Variants in ZNF383 observed in about 807,000 individuals in gnomAD.
The protein encoded by ZNF383 is zinc finger protein 383.
A neutral mutation model predicts 44.2 loss-of-function variants in ZNF383; 32 were observed. That is an observed-to-expected ratio of 0.72 (90% confidence interval 0.55 to 0.97). The LOEUF is 0.97. Ranked by LOEUF, ZNF383 falls within the 50% of genes least tolerant of loss-of-function variation. The probability of loss-of-function intolerance (pLI) is 0.00; values close to 1 mark genes in which losing one functional copy is unlikely to be tolerated. For synonymous variants in ZNF383, 155 were observed against 186.2 expected (o/e 0.83, Z 1.36); for missense variants, 487 against 562.5 (o/e 0.87, Z 1.36).
chr19:37,219,064 T>G (rs1214601418), intron 1 of ZNF383, among the ~76,000 whole-genome samples: 2 of 152,116 alleles, frequency 1.3e-5, no homozygotes, highest in Admixed American at 6.5e-5. Flanking sequence ...TGTTATTGTT[T>G]GGGTGAGGCG....
intron 3 of ZNF383, among the ~76,000 whole-genome samples, chr19:37,230,673 G>T (rs571616807): frequency 3.3e-5 from 5 of 151,870 alleles, no homozygotes; most frequent in Non-Finnish European, 5.9e-5. Context: ...TTTTCATTCC[G>T]TAAATACCTG....
At chr19:37,237,956 G>A (rs1433293931) in intron 5 of ZNF383, among the ~76,000 whole-genome samples, 1 of 150,790 alleles carries the variant, frequency 6.6e-6, no homozygotes, top group African/African-American at 2.4e-5. Flanking sequence ...TCAACCTCCC[G>A]GGCTCAGGTG....
chr19:37,242,036 A>G (rs1445271853), intron 5 of ZNF383, among the ~76,000 whole-genome samples: 1 of 3,540 alleles, frequency 2.8e-4, no homozygotes. Context: ...AAGATACTAT[A>G]TATAGTATAG....
intron 1 of ZNF383, among the ~76,000 whole-genome samples, chr19:37,218,863 T>A (rs11673646): frequency 0.24 from 35,750 of 151,832 alleles, 4,692 homozygotes; most frequent in Middle Eastern, 0.32. Context: ...TGTGTGATTG[T>A]GTGTAGTGCT....
intron 5 of ZNF383, among the ~76,000 whole-genome samples, chr19:37,240,474 T>C (rs1396685003): frequency 6.6e-6 from 1 of 152,250 alleles, no homozygotes; most frequent in Non-Finnish European, 1.5e-5. Context: ...AACGATTAAG[T>C]ATCAGAATTG....
In ZNF383 at chr19:37,243,244, A is replaced by G. The variant is rs1974226178; in HGVS notation, c.1008A>G (p.Lys336=). Reference sequence around the variant, plus strand: ...ATCAGAGAATTCATACTGGTGAGAAACCCTATGAGTGCAAGGAATGTGGCA... The same window carrying G: ...ATCAGAGAATTCATACTGGTGAGAAGCCCTATGAGTGCAAGGAATGTGGCA... The part of the protein sequence containing the change: ...VQHQRIHTGE[K]PYECKECGKA... Residue 336 remains lysine, a synonymous_variant, in exon 6 of 6, where the codon AAA becomes AAG. Coordinates refer to ENST00000684119, the MANE Select transcript of ZNF383 (RefSeq NM_001387601.1). 1.9e-6 allele frequency: 3 copies of G among 1,613,924 alleles called. 1 individual carries two copies. Among genetic ancestry groups the G allele is most frequent in the African/African-American group, 2.7e-5 (2 of 74,902 alleles).
intron 5 of ZNF383, among the ~76,000 whole-genome samples, chr19:37,236,954 AACACACACACACACACACACAC>A (rs35036376): frequency 3.4e-5 from 5 of 146,758 alleles, no homozygotes; most frequent in Non-Finnish European, 7.5e-5. Context: ...CACACATGTG[AACACACACACACACACACACAC>A]ACACACACAC....
chr19:37,227,213 C>T (rs1234258), intron 2 of ZNF383, among the ~76,000 whole-genome samples: 26,969 of 149,242 alleles, frequency 0.18, 2,477 homozygotes, highest in South Asian at 0.25. Flanking sequence ...CTCCCAGGTT[C>T]AAACGATTAT....
Position 37,242,504 on chromosome 19 carries a change from C to T in ZNF383, c.268C>T (p.Leu90=). The part of the protein sequence containing the change: ...ESMCETKLLS[L]KKEVYEIELC... The stretch of plus-strand genomic sequence containing the variant: ...GATGTGTGAAACCAAGTTATTATCT[C>T]TAAAGAAGGAAGTTTATGAAATAGA... The change falls in exon 6 of 6, where the codon CTA becomes TTA. Residue 90 remains leucine, a synonymous_variant. Coordinates refer to ENST00000684119, the MANE Select transcript of ZNF383 (RefSeq NM_001387601.1). 1 of 1,609,586 alleles carries T rather than the reference C, an allele frequency of 6.2e-7. No individual in the cohort carries two copies. Among genetic ancestry groups the T allele is most frequent in the Non-Finnish European group, 8.5e-7 (1 of 1,177,544 alleles).
At chr19:37,237,402 A>G (rs1973870721) in intron 5 of ZNF383, among the ~76,000 whole-genome samples, 1 of 152,142 alleles carries the variant, frequency 6.6e-6, no homozygotes, top group Non-Finnish European at 1.5e-5. Context: ...TGCCTATATT[A>G]AAAAGGAAGA....
At chr19:37,219,219 A>G (rs1972806671) in intron 1 of ZNF383, 1 of 152,362 alleles carries the variant, frequency 6.6e-6, no homozygotes, top group African/African-American at 2.4e-5. Context: ...CCCCTCTGAT[A>G]CCAAGAATGC....
intron 1 of ZNF383, among the ~76,000 whole-genome samples, chr19:37,220,800 AGTTTT>A (rs557370844): frequency 7.2e-5 from 11 of 152,066 alleles, no homozygotes; most frequent in South Asian, 4.2e-4. Context: ...TTTTAAAAAA[AGTTTT>A]GTTTTGTTTT....
chr19:37,234,053 G>A (rs1973645638), intron 3 of ZNF383, among the ~76,000 whole-genome samples: 1 of 151,178 alleles, frequency 6.6e-6, no homozygotes, highest in South Asian at 2.1e-4. Flanking sequence ...TAGTAAAGAC[G>A]GGGTTTCTCC....
Position 37,243,287 on chromosome 19 carries a change from T to C in ZNF383, c.1051T>C (p.Ser351Pro). 2 of 1,614,146 alleles carry C rather than the reference T, an allele frequency of 1.2e-6. No individual in the cohort carries two copies. Among genetic ancestry groups the C allele is most frequent in the Non-Finnish European group, 1.7e-6 (2 of 1,180,008 alleles). ...ATGTGGCAAAGCCTTTAGTAGTGGC[T>C]CAGCACTTACTAATCATCAGAGAAT... ...KECGKAFSSG[S>P]ALTNHQRIHT... Residue 351 changes from serine to proline, a missense_variant, in exon 6 of 6, where the codon TCA becomes CCA. Ser to Pro is a moderately conservative substitution (Grantham distance 74, BLOSUM62 -1). Coordinates refer to ENST00000684119, the MANE Select transcript of ZNF383 (RefSeq NM_001387601.1).
rs1008385229 is a variant in ZNF383, at chr19:37,247,627, C to G, written c.*3963C>G. On this transcript the variant is annotated 3_prime_UTR_variant, in exon 6 of 6. Coordinates refer to ENST00000684119, the MANE Select transcript of ZNF383 (RefSeq NM_001387601.1). ...ATGGCTTGAGGCCAGGAGTTCAAGA[C>G]CAGTCTAGGTAACATAATGAGATCC... 1.3e-5 allele frequency: 2 copies of G among 150,710 alleles called. No homozygotes were observed. The highest frequency in any genetic ancestry group is 4.9e-5 in the African/African-American group (2 of 40,900). The allele number at this position is 150,710 out of a possible 1,614,324, so 9.3% of individuals were successfully genotyped here.
chr19:37,248,482 A>C lies in ZNF383; in HGVS notation c.*4818A>C, dbSNP rs1257293743. 2.0e-5 allele frequency: 3 copies of C among 152,198 alleles called. No individual in the cohort carries two copies. Among genetic ancestry groups the C allele is most frequent in the Non-Finnish European group, 4.4e-5 (3 of 68,032 alleles). The allele number at this position is 152,198 out of a possible 1,614,324, so 9.4% of individuals were successfully genotyped here. A position where few individuals can be genotyped will look rare whatever the true frequency, so the allele number is the denominator to read the frequency against. ...GATAAATCAAACTTTCTACTTTCTG[A>C]AACTTGAAAATCAAATTGATTTAGA... On this transcript the variant is annotated 3_prime_UTR_variant, in exon 6 of 6. Coordinates refer to ENST00000684119, the MANE Select transcript of ZNF383 (RefSeq NM_001387601.1).
chr19:37,220,492 G>C (rs955076662), intron 1 of ZNF383, among the ~76,000 whole-genome samples: 1 of 151,478 alleles, frequency 6.6e-6, no homozygotes, highest in Non-Finnish European at 1.5e-5. Flanking sequence ...TTGAACTCCT[G>C]ACCTCAGGTG....
chr19:37,236,387 C>CTCTTTTTTTT (rs1208960517), intron 5 of ZNF383, among the ~76,000 whole-genome samples: 4 of 151,692 alleles, frequency 2.6e-5, no homozygotes, highest in African/African-American at 9.7e-5. Flanking sequence ...TTTACTCTCT[C>CTCTTTTTTTT]TCTTTTTTTT....
intron 5 of ZNF383, among the ~76,000 whole-genome samples, chr19:37,237,855 G>A (rs1742324905): frequency 6.6e-6 from 1 of 150,624 alleles, no homozygotes; most frequent in Admixed American, 6.6e-5. Flanking sequence ...TCACCTCTTC[G>A]TTTTTGGAAT....
Sources: gnomAD v4.1 joint callset for allele counts (sites outside exome capture counted in the v4.1 genomes callset) on GRCh38, gnomAD v4.1.1 for gene constraint, MANE v1.5 for transcripts, NCBI Gene and HGNC (gene_info 2026-07-23, HGNC 2026-07-21) for gene names.